The following LNPEP variants were observed in gnomAD, a reference collection of about 807,000 sequenced individuals.
LNPEP encodes leucyl and cystinyl aminopeptidase.
LNPEP carries 64 observed loss-of-function variants against 120.6 expected under a neutral mutation model. The ratio of observed to expected loss-of-function variants is 0.53; its 90% CI spans 0.43 to 0.65. The LOEUF (loss-of-function observed/expected upper bound fraction) is 0.65, where lower values mean the gene tolerates loss of function less well. Among genes scored for constraint, LNPEP ranks in the 30% least tolerant of loss-of-function variants. The pLI, the probability that LNPEP is intolerant of heterozygous loss-of-function variation, is 0.00. For synonymous variants in LNPEP, 435 were observed against 425.4 expected, an observed-to-expected ratio of 1.02 and a Z score of -0.28; for missense variants, 1,057 against 1,200.0, an observed-to-expected ratio of 0.88 and a Z score of 1.76.
chr5:96,944,505 T>C (rs751928555), intron 1 of LNPEP, among the ~76,000 whole-genome samples: 8 of 151,400 alleles, frequency 5.3e-5, no homozygotes, highest in Non-Finnish European at 1.0e-4. Flanking sequence ...CGGGGACTTC[T>C]ATTCCAGTTC....
intron 1 of LNPEP, among the ~76,000 whole-genome samples, chr5:96,967,837 T>G (rs965855169): frequency 6.6e-6 from 1 of 152,160 alleles, no homozygotes; most frequent in African/African-American, 2.4e-5. Context: ...GTTTCTTCCC[T>G]GCTAGGCACC....
chr5:96,987,590 C>G (rs749842906), intron 4 of LNPEP, among the ~76,000 whole-genome samples: 2 of 152,066 alleles, frequency 1.3e-5, no homozygotes. Context: ...TATCCCATAC[C>G]TTTCAGAGAT....
At chr5:96,945,077 A>T (rs1157271699) in intron 1 of LNPEP, among the ~76,000 whole-genome samples, 2 of 151,728 alleles carry the variant, frequency 1.3e-5, no homozygotes, top group African/African-American at 4.8e-5. Flanking sequence ...AATGTGCCAG[A>T]CTCTTAGTTA....
At position 96,979,885 on chromosome 5, in the gene LNPEP, A is replaced by T. The variant is rs779914524; in HGVS notation, c.767A>T (p.Asn256Ile). The change falls in exon 2 of 18, where the codon AAT (asparagine) becomes ATT (isoleucine). Residue 256 changes from asparagine to isoleucine, a missense_variant. Asn to Ile is a moderately radical substitution (Grantham distance 149). Coordinates refer to ENST00000231368, the MANE Select transcript of LNPEP (RefSeq NM_005575.3). ...CCCGAAGCCCTTCTAGCAGGGCACAATTATACGTTGAAGATAGAGTACTCG... is the reference window on the plus strand; with the variant it reads ...CCCGAAGCCCTTCTAGCAGGGCACATTTATACGTTGAAGATAGAGTACTCG... Reference protein sequence around the residue: ...VAPEALLAGHNYTLKIEYSAN... With the variant: ...VAPEALLAGHIYTLKIEYSAN... 1 of 1,613,966 alleles carries T rather than the reference A, an allele frequency of 6.2e-7. No individual in the cohort carries two copies. The highest frequency in any genetic ancestry group is 2.2e-5 in the East Asian group (1 of 44,882).
intron 1 of LNPEP, among the ~76,000 whole-genome samples, chr5:96,953,077 C>A (rs1789362148): frequency 6.6e-6 from 1 of 151,732 alleles, no homozygotes; most frequent in African/African-American, 2.4e-5. Flanking sequence ...CTTTCTCAAG[C>A]TTTGCCCCGG....
In LNPEP at chr5:97,037,273, C is replaced by T. The variant is rs1212434033; in HGVS notation, c.*8740C>T. Reference sequence around the variant, plus strand: ...AGATCTTCAATTCCTTGAGTCTGAGCTTGTGGGTGGAATTCTAAATTTGTA... The same window carrying T: ...AGATCTTCAATTCCTTGAGTCTGAGTTTGTGGGTGGAATTCTAAATTTGTA... On this transcript the variant is annotated 3_prime_UTR_variant, in exon 18 of 18. Coordinates refer to ENST00000231368, the MANE Select transcript of LNPEP (RefSeq NM_005575.3). 1 of 152,060 alleles carries T rather than the reference C, an allele frequency of 6.6e-6. No individual in the cohort carries two copies. The highest frequency in any genetic ancestry group is 1.5e-5 in the Non-Finnish European group (1 of 67,998). The allele number at this position is 152,060 out of a possible 1,614,324, so 9.4% of individuals were successfully genotyped here.
At chr5:96,951,763 T>C (rs1789329496) in intron 1 of LNPEP, among the ~76,000 whole-genome samples, 1 of 151,010 alleles carries the variant, frequency 6.6e-6, no homozygotes, top group Middle Eastern at 3.2e-3. Context: ...AGTTCAATTT[T>C]TTTTTTTCTG....
intron 5 of LNPEP, 63 bp from the exon 6 acceptor site, chr5:96,993,754 T>A: frequency 7.0e-7 from 1 of 1,437,726 alleles, no homozygotes; most frequent in Non-Finnish European, 9.7e-7. Context: ...TTGAATAAAA[T>A]ACTTTGAGTA....
In LNPEP at chr5:96,979,444, G is replaced by A. The variant is rs2112606563; in HGVS notation, c.326G>A (p.Arg109Lys). 4.3e-6 allele frequency: 7 copies of A among 1,614,070 alleles called. No individual in the cohort carries two copies. Among genetic ancestry groups the A allele is most frequent in the South Asian group, 1.1e-5 (1 of 91,090 alleles). ...GGGGCTTGTTCAGTACCCTCTGCAA[G>A]GACCATGGTGGTCTGTGCTTTTGTC... ...PDGACSVPSA[R>K]TMVVCAFVIV... Residue 109 changes from arginine (R) to lysine (K), a missense_variant, in exon 2 of 18, where the codon AGG becomes AAG. Physicochemically the swap from Arg to Lys is conservative, Grantham distance 26 (BLOSUM62 2). Transcript: ENST00000231368.
intron 11 of LNPEP, chr5:97,010,900 C>T (rs1790909300): frequency 1.0e-6 from 1 of 985,190 alleles, no homozygotes; most frequent in African/African-American, 1.7e-5. Flanking sequence ...TTCAGAAGAA[C>T]TGAAAGAGAC....
chr5:96,985,003 T>G, intron 2 of LNPEP, 77 bp from the exon 3 acceptor site: 1 of 1,455,912 alleles, frequency 6.9e-7, no homozygotes, highest in Admixed American at 1.9e-5. Flanking sequence ...GTAACATATT[T>G]ATCTTAGTAT....
intron 1 of LNPEP, among the ~76,000 whole-genome samples, chr5:96,954,772 A>ATTTTTTTTTT (rs1160402498): frequency 1.1e-4 from 3 of 27,110 alleles, no homozygotes; most frequent in South Asian, 1.1e-3. Flanking sequence ...ATATATATAT[A>ATTTTTTTTTT]TTTTTTTTTT....
At chr5:97,027,256 G>A (rs921453909) in intron 16 of LNPEP, among the ~76,000 whole-genome samples, 2 of 152,044 alleles carry the variant, frequency 1.3e-5, no homozygotes, top group Admixed American at 6.6e-5. Context: ...GGGAGGCTGA[G>A]GCAAGAGAAT....
chr5:96,966,722 T>C (rs1391275519), intron 1 of LNPEP, among the ~76,000 whole-genome samples: 1 of 152,112 alleles, frequency 6.6e-6, no homozygotes, highest in Non-Finnish European at 1.5e-5. Context: ...TTTCAAACTA[T>C]GAAGTGCTTT....
In LNPEP at chr5:97,003,498, C is replaced by T. The variant is rs1204967223; in HGVS notation, c.1737C>T (p.His579=). ...CTGTTGTCCTTTACCTGCATAATCA[C>T]AGCTATGCATCTATTCAAAGTGATG... ...QHAVVLYLHN[H]SYASIQSDDL... Residue 579 remains histidine, a synonymous_variant, in exon 9 of 18, where the codon CAC becomes CAT. Coordinates refer to ENST00000231368, the MANE Select transcript of LNPEP (RefSeq NM_005575.3). 1.9e-6 allele frequency: 3 copies of T among 1,604,478 alleles called. No homozygotes were observed. Among genetic ancestry groups the T allele is most frequent in the East Asian group, 2.2e-5 (1 of 44,738 alleles).
At chr5:96,944,537 C>CTTT (rs147837667) in intron 1 of LNPEP, among the ~76,000 whole-genome samples, 2 of 108,242 alleles carry the variant, frequency 1.8e-5, no homozygotes, top group Non-Finnish European at 1.9e-5. Flanking sequence ...CAAAGATTTT[C>CTTT]TTTTTTGTTT....
Position 97,022,461 on chromosome 5 carries a change from G to C in LNPEP, c.2538G>C (p.Trp846Cys). Residue 846 changes from tryptophan to cysteine, a missense_variant, in exon 14 of 18, where the codon TGG becomes TGC. Trp to Cys is a radical substitution (Grantham distance 215). Transcript: ENST00000231368. ...STTAMKLFDDWMASNGTQSLP... is the reference protein window; with the variant it reads ...STTAMKLFDDCMASNGTQSLP... ...CTGCCATGAAACTGTTTGATGACTG[G>C]ATGGCATCCAATGGAACTCAAAGGT... 1.9e-6 allele frequency: 3 copies of C among 1,613,840 alleles called. No homozygotes were observed. The highest frequency in any genetic ancestry group is 2.5e-6 in the Non-Finnish European group (3 of 1,179,858).
chr5:96,974,238 A>G (rs1424744514), intron 1 of LNPEP, among the ~76,000 whole-genome samples: 1 of 151,924 alleles, frequency 6.6e-6, no homozygotes, highest in African/African-American at 2.4e-5. Context: ...TCAAGCCCCT[A>G]TGCCTTCCCA....
chr5:96,938,368 T>TAA (rs1036981226), intron 1 of LNPEP, among the ~76,000 whole-genome samples: 5 of 152,250 alleles, frequency 3.3e-5, no homozygotes, highest in Admixed American at 1.3e-4. Context: ...CTTTCCCACT[T>TAA]ACACTTTTTC....
Sources: gnomAD v4.1 joint callset for allele counts (sites outside exome capture counted in the v4.1 genomes callset) on GRCh38, gnomAD v4.1.1 for gene constraint, MANE v1.5 for transcripts, NCBI Gene and HGNC (gene_info 2026-07-23, HGNC 2026-07-21) for gene names.